Variants in ICE2 observed in about 807,000 individuals in gnomAD.
ICE2 encodes the protein interactor of little elongation complex ELL subunit 2.
Under a neutral mutation model 105.4 loss-of-function variants are expected in ICE2, and 87 were observed. The observed-to-expected ratio is 0.83, with a 90% CI of 0.69 to 0.99. The LOEUF (loss-of-function observed/expected upper bound fraction) is 0.99, where lower values mean the gene tolerates loss of function less well. ICE2 is among the 50% of genes least tolerant of loss of function. The probability of loss-of-function intolerance (pLI) is 0.00; values close to 1 mark genes in which losing one functional copy is unlikely to be tolerated. For missense variants in ICE2, 1,323 were observed against 1,146.7 expected (o/e 1.15, Z -2.22); for synonymous variants, 399 against 392.0 (o/e 1.02, Z -0.21).
In ICE2 at chr15:60,455,382, T is replaced by C; in HGVS notation, c.727A>G (p.Lys243Glu). 5 of 1,614,038 alleles carry C rather than the reference T, an allele frequency of 3.1e-6. No homozygotes were observed. Among genetic ancestry groups the C allele is most frequent in the South Asian group, 2.2e-5 (2 of 91,074 alleles). ...GTTTCAATGGTAGCTATATCGTCCT[T>C]TGACAGCTGCAACTTTATAGGCATT... ...PSMPIKLQLS[K>E]DDIATIETSE... Residue 243 changes from lysine to glutamate, a missense_variant, in exon 7 of 16, where the codon AAG (lysine) becomes GAG (glutamate). Physicochemically the swap from Lys to Glu is moderately conservative, Grantham distance 56. Transcript: ENST00000261520.
chr15:60,464,423 G>C (rs932073936), intron 5 of ICE2, among the ~76,000 whole-genome samples: 2 of 152,154 alleles, frequency 1.3e-5, no homozygotes, highest in Non-Finnish European at 2.9e-5. Context: ...ATGTGGTAAA[G>C]GGAAAAGTGA....
chr15:60,470,291 C>G (rs144197180), intron 3 of ICE2, among the ~76,000 whole-genome samples: 1 of 152,114 alleles, frequency 6.6e-6, no homozygotes, highest in African/African-American at 2.4e-5. Context: ...AGTGAACACA[C>G]CAAATACATG....
At chr15:60,424,847 C>A (rs1005795935) in intron 15 of ICE2, among the ~76,000 whole-genome samples, 1 of 152,228 alleles carries the variant, frequency 6.6e-6, no homozygotes, top group African/African-American at 2.4e-5. Context: ...GCTATGTAGT[C>A]ATGTTAAAGA....
rs188654464 is a variant in ICE2 at position 60,425,620 on chromosome 15, C to T, written c.2821-1858G>A. Among the ~76,000 whole-genome samples, 4 of 152,220 alleles carry T rather than the reference C, an allele frequency of 2.6e-5. No homozygotes were observed. The East Asian group carries it at 7.7e-4, about 29-fold the overall frequency. ...CTGGCATATCTCTCAGGGTTAGTAC[C>T]AAAGGCACTATACAAGGATGAGATC... On this transcript the variant is annotated intron_variant, in intron 15 of 15. Coordinates refer to ENST00000261520, the MANE Select transcript of ICE2 (RefSeq NM_024611.6).
Position 60,449,685 on chromosome 15 carries a change from T to C in ICE2, c.1282A>G (p.Met428Val), listed in dbSNP as rs2063914721. Residue 428 changes from methionine to valine, a missense_variant, in exon 10 of 16, where the codon ATG becomes GTG. Coordinates refer to ENST00000261520, the MANE Select transcript of ICE2 (RefSeq NM_024611.6). ...SPASTSTVPNMTDAPTAPKAG... is the reference protein window; with the variant it reads ...SPASTSTVPNVTDAPTAPKAG... ...TTGGGGGCTGTAGGAGCATCTGTCA[T>C]GTTAGGTACTGTGGAAGTACTTGCT... The C allele has an allele frequency of 1.2e-6, 2 of 1,614,128 alleles. No homozygotes were observed. Among genetic ancestry groups the C allele is most frequent in the East Asian group, 2.2e-5 (1 of 44,884 alleles).
At chr15:60,434,568 A>C (rs957242153) in intron 13 of ICE2, among the ~76,000 whole-genome samples, 1 of 135,592 alleles carries the variant, frequency 7.4e-6, no homozygotes, top group African/African-American at 2.8e-5. Flanking sequence ...CACACACACA[A>C]TGGAATATAT....
intron 9 of ICE2, chr15:60,452,101 T>A: frequency 2.0e-6 from 2 of 985,292 alleles, no homozygotes; most frequent in Non-Finnish European, 2.4e-6. Flanking sequence ...TGTTTCTTCT[T>A]GTTACTGCCT....
At chr15:60,459,273 T>C (rs1173982325) in intron 5 of ICE2, among the ~76,000 whole-genome samples, 2 of 151,998 alleles carry the variant, frequency 1.3e-5, no homozygotes, top group Non-Finnish European at 2.9e-5. Context: ...ACACCAAAAT[T>C]AAAGTACAGT....
chr15:60,450,125 C>T (rs747322527), intron 9 of ICE2, among the ~76,000 whole-genome samples: 6 of 152,068 alleles, frequency 3.9e-5, no homozygotes, highest in African/African-American at 7.2e-5. Flanking sequence ...GGAATTTCAA[C>T]GAATCAAAAA....
rs763313808 is a variant in ICE2 at position 60,478,017 on chromosome 15, G to T, written c.-40C>A. 6.3e-6 allele frequency: 10 copies of T among 1,596,340 alleles called. No individual in the cohort carries two copies. In the Admixed American group the frequency reaches 1.0e-4, roughly 16 times the overall value. ...GCTTCACTCTAGCTCACAGTTCACA[G>T]CTGCCTGGCTGCGAAGGCTCCAAGA... On this transcript the variant is annotated 5_prime_UTR_variant, in exon 2 of 16. It adds an upstream start codon to the 5' untranslated region. Coordinates refer to ENST00000261520, the MANE Select transcript of ICE2 (RefSeq NM_024611.6).
At chr15:60,442,230 T>A in intron 12 of ICE2, 186 bp downstream of exon 12, 1 of 488,672 alleles carries the variant, frequency 2.0e-6, no homozygotes, top group Middle Eastern at 5.4e-4. Context: ...GAGTTTGAGG[T>A]TACAGTGAGC....
rs572729054 is a variant in ICE2 at position 60,463,192 on chromosome 15, C to T, written c.528+3402G>A. On this transcript the variant is annotated intron_variant, in intron 5 of 15. Transcript: ENST00000261520. ...TCATTACAGGTTTACTGAGATGTAA[C>T]TCTATCGTGAGTCAAGAAGCATCTG... is the stretch of plus-strand genomic sequence containing the variant. Among the ~76,000 whole-genome samples, 7 of 152,264 alleles carry T rather than the reference C, an allele frequency of 4.6e-5. No homozygotes were observed. In the South Asian group the frequency reaches 1.2e-3, roughly 27 times the overall value.
In ICE2 at chr15:60,455,147, G is replaced by C. The variant is rs577867875; in HGVS notation, c.799C>G (p.Pro267Ala). ...CTGGAAACAAGCTTCTCTGCATTTG[G>C]ATCTTTACTAATATCCTGAAAAACA... ...EAMHYDISKD[P>A]NAEKLVSRYH... Residue 267 changes from proline to alanine, a missense_variant, in exon 8 of 16, where the codon CCA (proline) becomes GCA (alanine). Coordinates refer to ENST00000261520, the MANE Select transcript of ICE2 (RefSeq NM_024611.6). 1.1e-5 allele frequency: 18 copies of C among 1,577,276 alleles called. No homozygotes were observed. In the South Asian group the frequency reaches 1.8e-4, roughly 16 times the overall value.
At position 60,419,737 on chromosome 15, in the gene ICE2, A is replaced by C. The variant is rs1025747439; in HGVS notation, c.*3897T>G. 3 of 79,020 alleles carry C rather than the reference A, an allele frequency of 3.8e-5. No homozygotes were observed. Among genetic ancestry groups the C allele is most frequent in the Admixed American group, 3.7e-4 (3 of 8,070 alleles). 4.9% of individuals were successfully genotyped at this position (79,020 alleles called of 1,614,324 possible). On this transcript the variant is annotated 3_prime_UTR_variant, in exon 16 of 16. Coordinates refer to ENST00000261520, the MANE Select transcript of ICE2 (RefSeq NM_024611.6). ...AAACAAAAAAACAGAACAAAACAAAATACTACTATATACCTATAATGCATA... is the reference window on the plus strand; with the variant it reads ...AAACAAAAAAACAGAACAAAACAAACTACTACTATATACCTATAATGCATA...
At position 60,449,594 on chromosome 15, in the gene ICE2, T is replaced by C; in HGVS notation, c.1373A>G (p.Gln458Arg). 6.2e-7 allele frequency: 1 copy of C among 1,614,218 alleles called. No homozygotes were observed. The highest frequency in any genetic ancestry group is 1.1e-5 in the South Asian group (1 of 91,086). The change falls in exon 10 of 16, where the codon CAG becomes CGG. Residue 458 changes from glutamine (Q) to arginine (R), a missense_variant. By Grantham distance (43) the Gln-to-Arg change is conservative. Transcript: ENST00000261520. ...DISANSRSLS[Q>R]ILMEQLQKEK... ...CTTTTGCAATTGTTCCATCAGAATC[T>C]GAGATAAACTTCTAGAATTAGCAGA...
intron 9 of ICE2, among the ~76,000 whole-genome samples, chr15:60,450,171 A>T (rs527899757): frequency 6.6e-6 from 1 of 152,262 alleles, no homozygotes; most frequent in South Asian, 2.1e-4. Flanking sequence ...GTAGGGCCAA[A>T]CGGGAGGCAG....
In ICE2 at chr15:60,455,401, A is replaced by G. The variant is rs1566993513; in HGVS notation, c.708T>C (p.Pro236=). Residue 236 remains proline, a synonymous_variant, in exon 7 of 16, where the codon CCT becomes CCC. Transcript: ENST00000261520. ...CGTCCTTTGACAGCTGCAACTTTAT[A>G]GGCATTGAGGGAAATACTGTTTTCA... ...KYVKTVFPSM[P]IKLQLSKDDI... The G allele has an allele frequency of 1.2e-6, 2 of 1,613,766 alleles. No individual in the cohort carries two copies. The highest frequency in any genetic ancestry group is 2.7e-5 in the African/African-American group (2 of 74,922).
At chr15:60,455,655 T>C (rs1002876946) in intron 6 of ICE2, among the ~76,000 whole-genome samples, 15 of 151,920 alleles carry the variant, frequency 9.9e-5, no homozygotes, top group African/African-American at 3.4e-4. Flanking sequence ...TCTCACTCTG[T>C]TGCCCAGGCT....
chr15:60,424,281 G>GT (rs1422692766), intron 15 of ICE2, among the ~76,000 whole-genome samples: 5 of 148,900 alleles, frequency 3.4e-5, no homozygotes, highest in African/African-American at 1.3e-4. Flanking sequence ...AAAAAGGGAA[G>GT]TAAAAAAAAA....
Sources: gnomAD v4.1 joint callset for allele counts (sites outside exome capture counted in the v4.1 genomes callset) on GRCh38, gnomAD v4.1.1 for gene constraint, MANE v1.5 for transcripts, NCBI Gene and HGNC (gene_info 2026-07-23, HGNC 2026-07-21) for gene names.